EPOP: variants seen among roughly 807,000 people sequenced by gnomAD.
The protein encoded by EPOP is elongin BC and polycomb repressive complex 2 associated protein, also known as elongin BC and Polycomb repressive complex 2-associated protein.
EPOP carries 14 observed loss-of-function variants against 18.2 expected under a neutral mutation model. That is an observed-to-expected ratio of 0.77 (90% CI 0.51 to 1.20). EPOP has a LOEUF of 1.20. Among genes scored for constraint, EPOP ranks in the 50% most tolerant of loss-of-function variants. The pLI is 0.00. For synonymous variants in EPOP, 252 were observed against 274.9 expected (o/e 0.92, Z 0.83); for missense variants, 527 against 577.2 (o/e 0.91, Z 0.89).
chr17:38,673,113 T>G lies in EPOP; in HGVS notation c.*243A>C. The G allele has an allele frequency of 1.9e-6, 1 of 528,014 alleles. No individual in the cohort carries two copies. 32.7% of individuals were successfully genotyped at this position (528,014 alleles called of 1,614,324 possible). ...GGTCCGAGATGGAAGGAGGCAGGGA[T>G]TGGAATCTATGTCATCAGCCTTCTC... On this transcript the variant is annotated 3_prime_UTR_variant, in exon 1 of 1. Coordinates refer to ENST00000621654, the MANE Select transcript of EPOP (RefSeq NM_001130677.2).
rs1315221478 is a variant in EPOP at position 38,673,871 on chromosome 17, C to T, written c.625G>A (p.Ala209Thr). 2.9e-5 allele frequency: 42 copies of T among 1,443,118 alleles called. No homozygotes were observed. The highest frequency in any genetic ancestry group is 6.0e-5 in the East Asian group (2 of 33,458). The allele number at this position is 1,443,118 out of a possible 1,614,324, so 89.4% of individuals were successfully genotyped here. Residue 209 changes from alanine (A) to threonine (T), a missense_variant, in exon 1 of 1, where the codon GCC becomes ACC. By Grantham distance (58) the Ala-to-Thr change is moderately conservative. Coordinates refer to ENST00000621654, the MANE Select transcript of EPOP (RefSeq NM_001130677.2). ...GGCGGGGGGTTTCCATCGACTTCGG[C>T]AGGCTGGCCGGGCAGGAACGGCCGC... ...APRPFLPGQP[A>T]EVDGNPPPAA...
At position 38,674,004 on chromosome 17, in the gene EPOP, G is replaced by T. The variant is rs1911035886; in HGVS notation, c.492C>A (p.Leu164=). 2.2e-6 allele frequency: 3 copies of T among 1,390,810 alleles called. No individual in the cohort carries two copies. The highest frequency in any genetic ancestry group is 6.1e-5 in the East Asian group (2 of 33,028). 86.2% of individuals were successfully genotyped at this position (1,390,810 alleles called of 1,614,324 possible). A position where few individuals can be genotyped will look rare whatever the true frequency, so the allele number is the denominator to read the frequency against. ...TGGCGGCTGGGCCACGCTGAGGCTC[G>T]AGACCCGGGGCCGGGCGAGGCGGGG... ...ASAPPRPAPG[L]EPQRGPAASP... Residue 164 remains leucine, a synonymous_variant, in exon 1 of 1, where the codon CTC becomes CTA. Coordinates refer to ENST00000621654, the MANE Select transcript of EPOP (RefSeq NM_001130677.2). This position sits in a 1 kb window ranked among gnomAD's most constrained non-coding sequence, Gnocchi z 4.5.
Position 38,674,612 on chromosome 17 carries a change from T to A in EPOP, c.-117A>T, listed in dbSNP as rs1911067261. On this transcript the variant is annotated 5_prime_UTR_variant, in exon 1 of 1. Transcript: ENST00000621654. This position sits in a 1 kb window ranked among gnomAD's most constrained non-coding sequence, Gnocchi z 4.5. ...CGCCCCCCGTCGACGGGGAGGTCTC[T>A]GCTCACGGGCGCCCCCGGCCCGCCA... 1 of 1,105,336 alleles carries A rather than the reference T, an allele frequency of 9.0e-7. No homozygotes were observed. The highest frequency in any genetic ancestry group is 3.1e-5 in the East Asian group (1 of 32,322). 68.5% of individuals were successfully genotyped at this position (1,105,336 alleles called of 1,614,324 possible).
In EPOP at chr17:38,674,759, T is replaced by A; in HGVS notation, c.-264A>T. On this transcript the variant is annotated 5_prime_UTR_variant, in exon 1 of 1. Coordinates refer to ENST00000621654, the MANE Select transcript of EPOP (RefSeq NM_001130677.2). This position sits in a 1 kb window ranked among gnomAD's most constrained non-coding sequence, Gnocchi z 4.5. ...CCGCCCTTCTGCCGCCGCGTCCCCTTCGCAACCCCGGCGGGAGACCCTCTC... is the reference window on the plus strand; with the variant it reads ...CCGCCCTTCTGCCGCCGCGTCCCCTACGCAACCCCGGCGGGAGACCCTCTC... 3.3e-6 allele frequency: 1 copy of A among 307,518 alleles called. No homozygotes were observed. The highest frequency in any genetic ancestry group is 5.9e-6 in the Non-Finnish European group (1 of 169,158). The allele number at this position is 307,518 out of a possible 1,614,324, so 19.0% of individuals were successfully genotyped here. A position where few individuals can be genotyped will look rare whatever the true frequency, so the allele number is the denominator to read the frequency against.
Position 38,673,655 on chromosome 17 carries a change from C to T in EPOP, c.841G>A (p.Ala281Thr), listed in dbSNP as rs1284501790. 7 of 1,529,552 alleles carry T rather than the reference C, an allele frequency of 4.6e-6. No individual in the cohort carries two copies. The African/African-American group carries it at 1.0e-4, about 22-fold the overall frequency. The allele number at this position is 1,529,552 out of a possible 1,614,324, so 94.7% of individuals were successfully genotyped here. Residue 281 changes from alanine (A) to threonine (T), a missense_variant, in exon 1 of 1, where the codon GCT becomes ACT. Ala to Thr is a moderately conservative substitution (Grantham distance 58, BLOSUM62 0). Transcript: ENST00000621654. ...CGGCGTTTCTTGGCGGCTCCCCGAG[C>T]CGGCCCTTTCGCAGGCGGCCGCTCT... ...GPERPPAKGP[A>T]RGAAKKRRLP...
In EPOP at chr17:38,673,175, G is replaced by A. The variant is rs1910994639; in HGVS notation, c.*181C>T. 3.6e-6 allele frequency: 4 copies of A among 1,112,332 alleles called. No individual in the cohort carries two copies. Among genetic ancestry groups the A allele is most frequent in the African/African-American group, 1.7e-5 (1 of 60,460 alleles). The allele number at this position is 1,112,332 out of a possible 1,614,324, so 68.9% of individuals were successfully genotyped here. On this transcript the variant is annotated 3_prime_UTR_variant, in exon 1 of 1. Coordinates refer to ENST00000621654, the MANE Select transcript of EPOP (RefSeq NM_001130677.2). ...CCTGGGTTCCTCTGCAAAGGATGAGGGGGAGGGACTGTCACCCCGAAAACT... is the reference window on the plus strand; with the variant it reads ...CCTGGGTTCCTCTGCAAAGGATGAGAGGGAGGGACTGTCACCCCGAAAACT...
In EPOP at chr17:38,673,134, T is replaced by A; in HGVS notation, c.*222A>T. On this transcript the variant is annotated 3_prime_UTR_variant, in exon 1 of 1. Coordinates refer to ENST00000621654, the MANE Select transcript of EPOP (RefSeq NM_001130677.2). ...GGGATTGGAATCTATGTCATCAGCC[T>A]TCTCCCGACTCCAGCCCTGGGTTCC... The A allele has an allele frequency of 1.5e-6, 1 of 670,098 alleles. No homozygotes were observed. The highest frequency in any genetic ancestry group is 2.2e-6 in the Non-Finnish European group (1 of 449,990). The allele number at this position is 670,098 out of a possible 1,614,324, so 41.5% of individuals were successfully genotyped here.
At position 38,674,282 on chromosome 17, in the gene EPOP, C is replaced by T. The variant is rs572143190; in HGVS notation, c.214G>A (p.Gly72Ser). ...CCAGGGCGCAGGGGGGCCTGAGGGC[C>T]CCGCAGCACTGGGGACCGCGCCGCC... ...ELAARSPVLRGPQAPLRPGGW... is the reference protein window; with the variant it reads ...ELAARSPVLRSPQAPLRPGGW... The change falls in exon 1 of 1, where the codon GGC becomes AGC. Residue 72 changes from glycine to serine, a missense_variant. Transcript: ENST00000621654. The surrounding 1 kb of genome is among the most constrained non-coding windows in gnomAD (Gnocchi z 4.5). The T allele has an allele frequency of 2.3e-4, 340 of 1,487,858 alleles. 6 individuals carry two copies. In the South Asian group the frequency reaches 3.9e-3, roughly 17 times the overall value. The allele number at this position is 1,487,858 out of a possible 1,614,324, so 92.2% of individuals were successfully genotyped here.
In EPOP at chr17:38,671,705, T is replaced by G. The variant is rs1910955164; in HGVS notation, c.*1651A>C. 1 of 134,264 alleles carries G rather than the reference T, an allele frequency of 7.4e-6. No individual in the cohort carries two copies. Among genetic ancestry groups the G allele is most frequent in the South Asian group, 2.4e-4 (1 of 4,168 alleles). The allele number at this position is 134,264 out of a possible 1,614,324, so 8.3% of individuals were successfully genotyped here. On this transcript the variant is annotated 3_prime_UTR_variant, in exon 1 of 1. Coordinates refer to ENST00000621654, the MANE Select transcript of EPOP (RefSeq NM_001130677.2). ...GAAAGAAAAATGAAAGGAGACAGTT[T>G]TTAAAACAAACAAAACTTTTATGGT...
In EPOP at chr17:38,674,665, C is replaced by G; in HGVS notation, c.-170G>C. The G allele has an allele frequency of 1.7e-6, 1 of 573,914 alleles. No homozygotes were observed. Among genetic ancestry groups the G allele is most frequent in the Non-Finnish European group, 2.8e-6 (1 of 359,618 alleles). 35.6% of individuals were successfully genotyped at this position (573,914 alleles called of 1,614,324 possible). On this transcript the variant is annotated 5_prime_UTR_variant, in exon 1 of 1. Coordinates refer to ENST00000621654, the MANE Select transcript of EPOP (RefSeq NM_001130677.2). This position sits in a 1 kb window ranked among gnomAD's most constrained non-coding sequence, Gnocchi z 4.5. The stretch of plus-strand genomic sequence containing the variant: ...CGGGGCCGCAGAGCTCGGGCTCCCT[C>G]TTCGCTCTCCTCACGCGGCCCTCCC...
At position 38,674,108 on chromosome 17, in the gene EPOP, C is replaced by T. The variant is rs769886838; in HGVS notation, c.388G>A (p.Gly130Ser). The change falls in exon 1 of 1, where the codon GGC (glycine) becomes AGC (serine). Residue 130 changes from glycine (G) to serine (S), a missense_variant. Gly to Ser is a moderately conservative substitution (Grantham distance 56, BLOSUM62 0). Transcript: ENST00000621654. This position sits in a 1 kb window ranked among gnomAD's most constrained non-coding sequence, Gnocchi z 4.5. ...EEGGGGFPHFGVRSCAPPGRC... is the reference protein window; with the variant it reads ...EEGGGGFPHFSVRSCAPPGRC... Reference sequence around the variant, plus strand: ...CCCGGAGGTGCACAGGAGCGAACGCCGAAGTGCGGGAAACCGCCTCCGCCC... The same window carrying T: ...CCCGGAGGTGCACAGGAGCGAACGCTGAAGTGCGGGAAACCGCCTCCGCCC... 46 of 1,451,166 alleles carry T rather than the reference C, an allele frequency of 3.2e-5. No homozygotes were observed. Among genetic ancestry groups the T allele is most frequent in the Admixed American group, 8.4e-5 (3 of 35,850 alleles). The allele number at this position is 1,451,166 out of a possible 1,614,324, so 89.9% of individuals were successfully genotyped here. A position where few individuals can be genotyped will look rare whatever the true frequency, so the allele number is the denominator to read the frequency against.
In EPOP at chr17:38,674,554, G is replaced by C; in HGVS notation, c.-59C>G. ...CAGGTCCCAGCGGCGGGATGCCCTG[G>C]CTGCCCGAAGAGCCCACGGGTGAGG... On this transcript the variant is annotated 5_prime_UTR_variant, in exon 1 of 1. Coordinates refer to ENST00000621654, the MANE Select transcript of EPOP (RefSeq NM_001130677.2). This position sits in a 1 kb window ranked among gnomAD's most constrained non-coding sequence, Gnocchi z 4.5. 7.0e-7 allele frequency: 1 copy of C among 1,428,992 alleles called. No homozygotes were observed. Among genetic ancestry groups the C allele is most frequent in the Non-Finnish European group, 9.2e-7 (1 of 1,091,368 alleles). The allele number at this position is 1,428,992 out of a possible 1,614,324, so 88.5% of individuals were successfully genotyped here.
rs867700438 is a variant in EPOP at position 38,674,412 on chromosome 17, C to G, written c.84G>C (p.Pro28=). 7 of 1,543,112 alleles carry G rather than the reference C, an allele frequency of 4.5e-6. No individual in the cohort carries two copies. The East Asian group carries it at 9.8e-5, about 22-fold the overall frequency. ...GSPCSPTPRK[P]CRGTQEFSPL... is the part of the protein sequence containing the mutation. ...GAGAGAATTCCTGGGTCCCCCGACACGGCTTCCGGGGCGTGGGGGAGCAGG... is the reference window on the plus strand; with the variant it reads ...GAGAGAATTCCTGGGTCCCCCGACAGGGCTTCCGGGGCGTGGGGGAGCAGG... The change falls in exon 1 of 1, where the codon CCG becomes CCC. Residue 28 remains proline (P), a synonymous_variant. Coordinates refer to ENST00000621654, the MANE Select transcript of EPOP (RefSeq NM_001130677.2). The surrounding 1 kb of genome is among the most constrained non-coding windows in gnomAD (Gnocchi z 4.5).
rs904186565 is a variant in EPOP, at chr17:38,674,175, A to G, written c.321T>C (p.Asp107=). 4 of 1,424,340 alleles carry G rather than the reference A, an allele frequency of 2.8e-6. No individual in the cohort carries two copies. In the African/African-American group the frequency reaches 6.0e-5, roughly 21 times the overall value. The allele number at this position is 1,424,340 out of a possible 1,614,324, so 88.2% of individuals were successfully genotyped here. ...GGCGGGGGCACGCTGCGACGTCCGC[A>G]TCCTCGCCGGCGGCGGTGTTAGGAA... The part of the protein sequence containing the change: ...PGVPNTAAGE[D]ADVAACPRRG... Residue 107 remains aspartate, a synonymous_variant, in exon 1 of 1, where the codon GAT becomes GAC. Transcript: ENST00000621654. This position sits in a 1 kb window ranked among gnomAD's most constrained non-coding sequence, Gnocchi z 4.5.
chr17:38,671,771 T>C lies in EPOP; in HGVS notation c.*1585A>G, dbSNP rs1224684997. 1 of 151,042 alleles carries C rather than the reference T, an allele frequency of 6.6e-6. No homozygotes were observed. Among genetic ancestry groups the C allele is most frequent in the African/African-American group, 2.4e-5 (1 of 41,018 alleles). 9.4% of individuals were successfully genotyped at this position (151,042 alleles called of 1,614,324 possible). ...TCAAGAATCTGCTCTATGCAAACAA[T>C]AACAACTTTTTACAAAGCATTTTCA... On this transcript the variant is annotated 3_prime_UTR_variant, in exon 1 of 1. Transcript: ENST00000621654.
Position 38,673,974 on chromosome 17 carries a change from C to A in EPOP, c.522G>T (p.Pro174=). The A allele has an allele frequency of 7.2e-7, 1 of 1,397,704 alleles. No individual in the cohort carries two copies. Among genetic ancestry groups the A allele is most frequent in the Non-Finnish European group, 9.2e-7 (1 of 1,086,468 alleles). The allele number at this position is 1,397,704 out of a possible 1,614,324, so 86.6% of individuals were successfully genotyped here. A position where few individuals can be genotyped will look rare whatever the true frequency, so the allele number is the denominator to read the frequency against. ...GAGGCCGGGAACTGGGTTCCTGAGG[C>A]GGGCTGGCGGCTGGGCCACGCTGAG... ...LEPQRGPAAS[P]PQEPSSRPPS... Residue 174 remains proline, a synonymous_variant, in exon 1 of 1, where the codon CCG becomes CCT. Coordinates refer to ENST00000621654, the MANE Select transcript of EPOP (RefSeq NM_001130677.2).
rs1228758107 is a variant in EPOP, at chr17:38,674,269, G to C, written c.227C>G (p.Pro76Arg). 6 of 1,464,164 alleles carry C rather than the reference G, an allele frequency of 4.1e-6. No homozygotes were observed. Among genetic ancestry groups the C allele is most frequent in the East Asian group, 2.7e-5 (1 of 37,022 alleles). The allele number at this position is 1,464,164 out of a possible 1,614,324, so 90.7% of individuals were successfully genotyped here. A position where few individuals can be genotyped will look rare whatever the true frequency, so the allele number is the denominator to read the frequency against. ...CGGGGCCCAGCCGCCAGGGCGCAGG[G>C]GGGCCTGAGGGCCCCGCAGCACTGG... ...RSPVLRGPQA[P>R]LRPGGWAPDG... Residue 76 changes from proline (P) to arginine (R), a missense_variant, in exon 1 of 1, where the codon CCC becomes CGC. Coordinates refer to ENST00000621654, the MANE Select transcript of EPOP (RefSeq NM_001130677.2). The surrounding 1 kb of genome is among the most constrained non-coding windows in gnomAD (Gnocchi z 4.5).
Position 38,671,943 on chromosome 17 carries a change from CCCTTCATACCTCAACTTG to C in EPOP, c.*1395_*1412del, listed in dbSNP as rs1394724867. The C allele has an allele frequency of 6.6e-6, 1 of 152,162 alleles. No homozygotes were observed. Among genetic ancestry groups the C allele is most frequent in the Admixed American group, 6.5e-5 (1 of 15,274 alleles). The allele number at this position is 152,162 out of a possible 1,614,324, so 9.4% of individuals were successfully genotyped here. On this transcript the variant is annotated 3_prime_UTR_variant, in exon 1 of 1. Coordinates refer to ENST00000621654, the MANE Select transcript of EPOP (RefSeq NM_001130677.2). ...TCGGCAGCTCCAAAAGCCCCAGCTT[CCCTTCATACCTCAACTTG>C]CCATCTCCCTAAGACCTAAGCTCCC...
rs1015792888 is a variant in EPOP, at chr17:38,673,030, G to C, written c.*326C>G. Reference sequence around the variant, plus strand: ...TTCTCCCCTTTTTTTTGGGTGGGGGGGTGTCTTTGAGCGGTGGCCTCCTTT... The same window carrying C: ...TTCTCCCCTTTTTTTTGGGTGGGGGCGTGTCTTTGAGCGGTGGCCTCCTTT... On this transcript the variant is annotated 3_prime_UTR_variant, in exon 1 of 1. Coordinates refer to ENST00000621654, the MANE Select transcript of EPOP (RefSeq NM_001130677.2). 3.4e-6 allele frequency: 1 copy of C among 293,504 alleles called. No individual in the cohort carries two copies. The highest frequency in any genetic ancestry group is 6.2e-6 in the Non-Finnish European group (1 of 160,528). 18.2% of individuals were successfully genotyped at this position (293,504 alleles called of 1,614,324 possible).
Sources: gnomAD v4.1 joint callset for allele counts on GRCh38, gnomAD v4.1.1 for gene constraint, Gnocchi (gnomAD v3.1) non-coding constraint, MANE v1.5 for transcripts, NCBI Gene and HGNC (gene_info 2026-07-23, HGNC 2026-07-21) for gene names.